The following IQCM variants were observed in gnomAD, a reference collection of about 807,000 sequenced individuals.
The protein encoded by IQCM is IQ domain-containing protein M.
Under a neutral mutation model 57.6 loss-of-function variants are expected in IQCM, and 45 were observed. The ratio of observed to expected loss-of-function variants is 0.78; its 90% confidence interval spans 0.62 to 1.00. The LOEUF (loss-of-function observed/expected upper bound fraction) is 1.00. Among genes scored for constraint, IQCM ranks in the 50% least tolerant of loss-of-function variants. IQCM has a pLI of 0.00. For missense variants in IQCM, 468 were observed against 511.6 expected, an observed-to-expected ratio of 0.91 and a Z score of 0.82; for synonymous variants, 148 against 158.9, an observed-to-expected ratio of 0.93 and a Z score of 0.51.
Position 149,670,833 on chromosome 4 carries a change from T to G in IQCM, c.565+11285A>C, listed in dbSNP as rs529494166. 5.3e-4 allele frequency among the ~76,000 whole-genome samples: 81 copies of G among 152,266 alleles called. 1 individual carries two copies. In the South Asian group the frequency reaches 0.015, roughly 28 times the overall value. On this transcript the variant is annotated intron_variant, in intron 7 of 13. Coordinates refer to ENST00000636793, the MANE Select transcript of IQCM (RefSeq NM_001363507.2). Reference sequence around the variant, plus strand: ...TGCATCTCAGGGATGAAGCCAATTCTATCATGGTGGATAAATATTTTGATG... The same window carrying G: ...TGCATCTCAGGGATGAAGCCAATTCGATCATGGTGGATAAATATTTTGATG...
intron 2 of IQCM, among the ~76,000 whole-genome samples, chr4:149,770,128 A>C (rs1397723491): frequency 6.8e-6 from 1 of 147,560 alleles, no homozygotes; most frequent in Non-Finnish European, 1.5e-5. Flanking sequence ...AGACACAATA[A>C]AAAAAGGGGG....
At chr4:149,515,071 C>CGTGTGTGTGT (rs58534209) in intron 12 of IQCM, among the ~76,000 whole-genome samples, 15,117 of 142,690 alleles carry the variant, frequency 0.11, 947 homozygotes, top group Non-Finnish European at 0.14. Context: ...TATATATACA[C>CGTGTGTGTGT]GTGTGTGTGT....
At chr4:149,578,537 G>T (rs1167315108) in intron 9 of IQCM, among the ~76,000 whole-genome samples, 1 of 151,644 alleles carries the variant, frequency 6.6e-6, no homozygotes, top group African/African-American at 2.4e-5. Context: ...TATTCCTCTT[G>T]GGGATACTTC....
At chr4:149,519,220 T>C (rs1287649236) in intron 12 of IQCM, among the ~76,000 whole-genome samples, 2 of 152,230 alleles carry the variant, frequency 1.3e-5, no homozygotes, top group Non-Finnish European at 2.9e-5. Flanking sequence ...TACTGGTGTT[T>C]AGTGAGTGTT....
intron 12 of IQCM, among the ~76,000 whole-genome samples, chr4:149,489,342 T>G (rs939305342): frequency 6.6e-6 from 1 of 152,106 alleles, no homozygotes; most frequent in African/African-American, 2.4e-5. Context: ...TGATTCCTTA[T>G]TTTGTTACAT....
At chr4:149,634,189 T>A (rs1309107513) in intron 7 of IQCM, among the ~76,000 whole-genome samples, 2 of 152,084 alleles carry the variant, frequency 1.3e-5, no homozygotes, top group Non-Finnish European at 2.9e-5. Context: ...TTTGTATTTT[T>A]AGTAGAGACG....
chr4:149,678,773 T>G (rs1761958269), intron 7 of IQCM, among the ~76,000 whole-genome samples: 1 of 151,266 alleles, frequency 6.6e-6, no homozygotes, highest in African/African-American at 2.4e-5. Context: ...GACATACGAA[T>G]GGCCAATAGG....
chr4:149,814,957 T>A (rs1014385539), intron 2 of IQCM, among the ~76,000 whole-genome samples: 1 of 151,990 alleles, frequency 6.6e-6, no homozygotes, highest in Non-Finnish European at 1.5e-5. Context: ...TAAAAGACAT[T>A]TAGTAATGGC....
chr4:149,452,241 T>G (rs1737197680), intron 12 of IQCM, among the ~76,000 whole-genome samples: 1 of 151,540 alleles, frequency 6.6e-6, no homozygotes, highest in Non-Finnish European at 1.5e-5. Context: ...ATCAAAATAC[T>G]CAATATTGTT....
rs571973898 is a variant in IQCM at position 149,587,217 on chromosome 4, T to C, written c.749+713A>G. On this transcript the variant is annotated intron_variant, in intron 9 of 13. Coordinates refer to ENST00000636793, the MANE Select transcript of IQCM (RefSeq NM_001363507.2). Reference sequence around the variant, plus strand: ...CTAGATAAATGGGGATCTTACCCATTGCAGTTCCTTTCTTTCAAGAGTCAA... The same window carrying C: ...CTAGATAAATGGGGATCTTACCCATCGCAGTTCCTTTCTTTCAAGAGTCAA... Among the ~76,000 whole-genome samples the C allele has an allele frequency of 5.9e-5, 9 of 151,964 alleles. No individual in the cohort carries two copies. The South Asian group carries it at 1.9e-3, about 31-fold the overall frequency.
intron 12 of IQCM, among the ~76,000 whole-genome samples, chr4:149,434,472 T>C (rs781238606): frequency 6.6e-6 from 1 of 152,126 alleles, no homozygotes; most frequent in Non-Finnish European, 1.5e-5. Context: ...CTAGAAACAC[T>C]TTAAAGAAAA....
At chr4:149,754,447 C>T (rs1202542645) in intron 2 of IQCM, among the ~76,000 whole-genome samples, 1 of 152,208 alleles carries the variant, frequency 6.6e-6, no homozygotes, top group Non-Finnish European at 1.5e-5. Context: ...CTCTCTCATC[C>T]TCCATGTCAG....
intron 12 of IQCM, among the ~76,000 whole-genome samples, chr4:149,512,782 GTTCTGAATAACT>G (rs1025801300): frequency 6.6e-6 from 1 of 152,142 alleles, no homozygotes; most frequent in Admixed American, 6.5e-5. Context: ...AGTCGTCAGT[GTTCTGAATAACT>G]TTTATCTCAT....
At chr4:149,356,517 CTTGT>C (rs1193478128) in intron 13 of IQCM, among the ~76,000 whole-genome samples, 1 of 152,004 alleles carries the variant, frequency 6.6e-6, no homozygotes, top group African/African-American at 2.4e-5. Flanking sequence ...TTCCCCATTG[CTTGT>C]TTTTCTCAGG....
intron 13 of IQCM, among the ~76,000 whole-genome samples, chr4:149,361,172 C>T (rs961386117): frequency 3.3e-5 from 5 of 152,092 alleles, no homozygotes; most frequent in Admixed American, 6.6e-5. Flanking sequence ...TTAGGGTATC[C>T]GGTGGAAGAA....
intron 5 of IQCM, among the ~76,000 whole-genome samples, chr4:149,720,160 G>A (rs994347179): frequency 6.6e-6 from 1 of 152,146 alleles, no homozygotes; most frequent in Non-Finnish European, 1.5e-5. Flanking sequence ...TCCAAAACAT[G>A]TGCTTAATCA....
chr4:149,659,132 C>A (rs1429076818), intron 7 of IQCM, among the ~76,000 whole-genome samples: 1 of 151,354 alleles, frequency 6.6e-6, no homozygotes, highest in Non-Finnish European at 1.5e-5. Flanking sequence ...TTTCAAAAAA[C>A]CAGCTCCTGG....
intron 2 of IQCM, among the ~76,000 whole-genome samples, chr4:149,812,791 A>T (rs1308871639): frequency 6.6e-6 from 1 of 152,168 alleles, no homozygotes; most frequent in Non-Finnish European, 1.5e-5. Flanking sequence ...TTTCACTGAC[A>T]TAAATTGAAG....
chr4:149,649,532 T>G (rs1758964330), intron 7 of IQCM, among the ~76,000 whole-genome samples: 1 of 152,194 alleles, frequency 6.6e-6, no homozygotes, highest in South Asian at 2.1e-4. Flanking sequence ...TTAAAGATAA[T>G]TTTAAAAAAT....
Sources: gnomAD v4.1 joint callset for allele counts (sites outside exome capture counted in the v4.1 genomes callset) on GRCh38, gnomAD v4.1.1 for gene constraint, MANE v1.5 for transcripts, NCBI Gene and HGNC (gene_info 2026-07-23, HGNC 2026-07-21) for gene names.